SPMIP2: variants seen among roughly 807,000 people sequenced by gnomAD.
SPMIP2 encodes the protein sperm microtubule inner protein 2.
At chr4:159,039,025 C>T in the SPMIP2 span, among the ~76,000 whole-genome samples, 1 of 152,036 alleles carries the variant, frequency 6.6e-6, no homozygotes, top group Non-Finnish European at 1.5e-5. Flanking sequence ...GTCACCCAGG[C>T]TGGAGTGCAG....
At chr4:159,026,669 G>A in the SPMIP2 span, 3 of 270,342 alleles carry the variant, frequency 1.1e-5, no homozygotes, top group Non-Finnish European at 2.1e-5. Context: ...AGCTGTTTCA[G>A]TATCAGATTA....
At chr4:159,057,942 G>A in the SPMIP2 span, among the ~76,000 whole-genome samples, 18 of 152,060 alleles carry the variant, frequency 1.2e-4, no homozygotes, top group South Asian at 2.1e-4. Flanking sequence ...TCGGCTCACC[G>A]CAGCCTCAAC....
the SPMIP2 span, chr4:158,893,377 C>G: frequency 4.0e-6 from 1 of 248,630 alleles, no homozygotes; most frequent in East Asian, 7.4e-5. Context: ...TAGAACCTAT[C>G]TCCTATGGTT....
the SPMIP2 span, among the ~76,000 whole-genome samples, chr4:158,968,286 C>T: frequency 6.6e-6 from 1 of 152,196 alleles, no homozygotes; most frequent in Admixed American, 6.5e-5. Context: ...TCCTCAGCCT[C>T]CCAAAGTGCT....
the SPMIP2 span, among the ~76,000 whole-genome samples, chr4:159,038,206 G>T: frequency 6.6e-6 from 1 of 152,268 alleles, no homozygotes; most frequent in African/African-American, 2.4e-5. Context: ...ATGTAATTTT[G>T]CTCAATGTTG....
the SPMIP2 span, among the ~76,000 whole-genome samples, chr4:159,054,642 C>T: frequency 6.6e-6 from 1 of 152,220 alleles, no homozygotes; most frequent in Non-Finnish European, 1.5e-5. Flanking sequence ...ACATTCTTCA[C>T]TGGATGGTGG....
At chr4:158,913,763 T>A in the SPMIP2 span, among the ~76,000 whole-genome samples, 2 of 149,690 alleles carry the variant, frequency 1.3e-5, no homozygotes, top group Non-Finnish European at 3.0e-5. Context: ...AACCCAGGAG[T>A]TCAAGGCTGC....
chr4:158,919,420 G>A, the SPMIP2 span, among the ~76,000 whole-genome samples: 1 of 152,066 alleles, frequency 6.6e-6, no homozygotes, highest in Non-Finnish European at 1.5e-5. Context: ...AAGAATCCAG[G>A]CCAGTTATTT....
chr4:158,930,191 G>GTCTCTCTCTCTCTCTCTCTCTC, the SPMIP2 span, among the ~76,000 whole-genome samples: 308 of 144,236 alleles, frequency 2.1e-3, 3 homozygotes, highest in African/African-American at 7.4e-3. Context: ...GAGGATCTCA[G>GTCTCTCTCTCTCTCTCTCTCTC]TCTCTCTCTC....
the SPMIP2 span, among the ~76,000 whole-genome samples, chr4:159,050,852 T>C: frequency 5.1e-4 from 77 of 152,068 alleles, no homozygotes; most frequent in Middle Eastern, 3.4e-3. Flanking sequence ...TTCACGCCTG[T>C]AATCCTAGCA....
the SPMIP2 span, among the ~76,000 whole-genome samples, chr4:159,063,912 A>T: frequency 6.6e-6 from 1 of 152,264 alleles, no homozygotes; most frequent in Non-Finnish European, 1.5e-5. Flanking sequence ...ATGTGGAGCC[A>T]GAAAAACGTA....
the SPMIP2 span, among the ~76,000 whole-genome samples, chr4:159,082,149 C>A: frequency 2.1e-5 from 3 of 142,874 alleles, no homozygotes; most frequent in South Asian, 6.6e-4. Context: ...AAAACCCTAT[C>A]TCTGCTAAGA....
the SPMIP2 span, among the ~76,000 whole-genome samples, chr4:159,034,563 A>C: frequency 1.3e-5 from 2 of 152,356 alleles, no homozygotes; most frequent in East Asian, 3.9e-4. Flanking sequence ...GATCAGACTG[A>C]GTGGGCATAA....
At chr4:158,929,555 C>G in the SPMIP2 span, among the ~76,000 whole-genome samples, 1 of 152,032 alleles carries the variant, frequency 6.6e-6, no homozygotes, top group Admixed American at 6.6e-5. Context: ...TTTTAGTATG[C>G]ATTTTTGAGT....
the SPMIP2 span, among the ~76,000 whole-genome samples, chr4:158,984,760 G>T: frequency 6.6e-6 from 1 of 151,958 alleles, no homozygotes; most frequent in Non-Finnish European, 1.5e-5. Flanking sequence ...AAAGCTAGCA[G>T]AAGGCAAGAA....
the SPMIP2 span, among the ~76,000 whole-genome samples, chr4:158,978,679 T>A: frequency 6.6e-6 from 1 of 152,212 alleles, no homozygotes; most frequent in Non-Finnish European, 1.5e-5. Flanking sequence ...AATGCCCTTC[T>A]TTGTCTTTTT....
chr4:159,037,827 C>CACATAT, the SPMIP2 span, among the ~76,000 whole-genome samples: 3,297 of 125,590 alleles, frequency 0.026, 56 homozygotes, highest in Admixed American at 0.044. Flanking sequence ...CACACACACA[C>CACATAT]ATATATATAT....
At chr4:158,919,914 C>T in the SPMIP2 span, among the ~76,000 whole-genome samples, 1 of 152,142 alleles carries the variant, frequency 6.6e-6, no homozygotes, top group Non-Finnish European at 1.5e-5. Context: ...TTTCCCACCC[C>T]AGCCCTGGAA....
chr4:158,902,763 TC>T, the SPMIP2 span, among the ~76,000 whole-genome samples: 1 of 152,212 alleles, frequency 6.6e-6, no homozygotes. Flanking sequence ...AGTTTGAACT[TC>T]CAGGCAGCTT....
Sources: allele counts gnomAD v4.1 joint callset (sites outside exome capture counted in the v4.1 genomes callset), GRCh38; gene constraint gnomAD v4.1.1; transcripts MANE v1.5; gene names NCBI Gene and HGNC (gene_info 2026-07-23, HGNC 2026-07-21).